RNASE9: variants seen among roughly 807,000 people sequenced by gnomAD.
RNASE9 encodes the protein ribonuclease A family member 9 (inactive), also known as inactive ribonuclease-like protein 9.
For synonymous variants in RNASE9, 95 were observed against 87.6 expected, an observed-to-expected ratio of 1.08 and a Z score of -0.47; for missense variants, 263 against 247.1, an observed-to-expected ratio of 1.06 and a Z score of -0.43.
chr14:20,557,417 C>T (rs1023153438), exon 3 of RNASE9: 2 of 225,484 alleles, frequency 8.9e-6, no homozygotes, highest in Non-Finnish European at 1.7e-5. Context: ...GAAAGGAAAT[C>T]AAGACAGCAG....
In RNASE9 at chr14:20,558,319, A is replaced by T. The variant is rs1018034068; in HGVS notation, c.-1250T>A. ...TAGGCTGGATACTAAGTTTGTATATATGTGTGTAGAAAGGTTAGAGAATGA... is the reference window on the plus strand; with the variant it reads ...TAGGCTGGATACTAAGTTTGTATATTTGTGTGTAGAAAGGTTAGAGAATGA... On this transcript the variant is annotated 5_prime_UTR_variant, in exon 3 of 3. Transcript: ENST00000555230. 80 of 617,674 alleles carry T rather than the reference A, an allele frequency of 1.3e-4. 1 individual carries two copies. Among genetic ancestry groups the T allele is most frequent in the Admixed American group, 8.1e-5 (3 of 37,262 alleles). 38.3% of individuals were successfully genotyped at this position (617,674 alleles called of 1,614,324 possible).
chr14:20,556,966 A>T (rs757869534), exon 3 of RNASE9: 6 of 1,614,130 alleles, frequency 3.7e-6, no homozygotes, highest in Non-Finnish European at 5.1e-6. Flanking sequence ...TTCTTCTGGG[A>T]AATCAAAATC....
chr14:20,556,859 TAAG>T, exon 3 of RNASE9: 1 of 1,614,218 alleles, frequency 6.2e-7, no homozygotes, highest in South Asian at 1.1e-5. Context: ...CCAGGTTCAA[TAAG>T]GACACGTCTT....
exon 3 of RNASE9, chr14:20,556,675 C>T (rs1883705801): frequency 1.2e-6 from 2 of 1,613,326 alleles, no homozygotes; most frequent in Non-Finnish European, 1.7e-6. Context: ...ACCTTTGCTC[C>T]TGTTACATTT....
chr14:20,557,989 C>A (rs772663402), exon 3 of RNASE9: 1 of 161,866 alleles, frequency 6.2e-6, no homozygotes, highest in Non-Finnish European at 1.4e-5. Flanking sequence ...TATTCTATGG[C>A]CTCTATCAGT....
chr14:20,560,592 T>C (rs376917208), intron 1 of RNASE9, among the ~76,000 whole-genome samples: 1 of 152,172 alleles, frequency 6.6e-6, no homozygotes, highest in East Asian at 1.9e-4. Context: ...ATGAGTCTGA[T>C]GTGTTTATAG....
chr14:20,556,796 C>T (rs778857173), exon 3 of RNASE9: 1 of 1,613,722 alleles, frequency 6.2e-7, no homozygotes, highest in East Asian at 2.2e-5. Context: ...TTGTAGTAAA[C>T]ATTTTTTCCC....
At chr14:20,558,064 G>A (rs568456608) in exon 3 of RNASE9, 1 of 221,818 alleles carries the variant, frequency 4.5e-6, no homozygotes, top group Non-Finnish European at 9.1e-6. Context: ...AATGACTACT[G>A]AAATGGCCAG....
At chr14:20,556,790 A>C in exon 3 of RNASE9, 1 of 1,613,858 alleles carries the variant, frequency 6.2e-7, no homozygotes, top group Non-Finnish European at 8.5e-7. Flanking sequence ...CGGTGTTTGT[A>C]GTAAACATTT....
exon 3 of RNASE9, chr14:20,556,567 C>T: frequency 1.2e-6 from 2 of 1,613,908 alleles, no homozygotes; most frequent in Non-Finnish European, 1.7e-6. Context: ...TTGCCATGAA[C>T]AAGTGATAAG....
At chr14:20,556,514 C>T (rs149710160) in exon 3 of RNASE9, 7 of 1,613,664 alleles carry the variant, frequency 4.3e-6, no homozygotes, top group East Asian at 4.5e-5. Context: ...GGTGGCTCCA[C>T]GAGATCATTT....
chr14:20,557,245 C>T, exon 3 of RNASE9: 1 of 642,154 alleles, frequency 1.6e-6, no homozygotes, highest in Non-Finnish European at 2.6e-6. Context: ...AAATTATTGA[C>T]AAAAATGACC....
At chr14:20,557,340 G>T in exon 3 of RNASE9, 1 of 401,558 alleles carries the variant, frequency 2.5e-6, no homozygotes, top group Non-Finnish European at 4.4e-6. Flanking sequence ...AGAAATAAAG[G>T]TAAGGAGGAA....
At chr14:20,557,264 C>T in exon 3 of RNASE9, 1 of 590,302 alleles carries the variant, frequency 1.7e-6, no homozygotes, top group South Asian at 2.4e-5. Context: ...CCTTACTAGG[C>T]CTACAGTCAG....
At chr14:20,557,105 G>C in exon 3 of RNASE9, 1 of 1,566,536 alleles carries the variant, frequency 6.4e-7, no homozygotes, top group South Asian at 1.2e-5. Context: ...AACGGGATAT[G>C]TTCTATTGTG....
chr14:20,558,497 G>C, exon 3 of RNASE9: 1 of 1,392,138 alleles, frequency 7.2e-7, no homozygotes, highest in South Asian at 1.2e-5. Context: ...GTGCCACACT[G>C]TCCCTCCCCT....
chr14:20,556,684 T>C, exon 3 of RNASE9: 1 of 1,613,658 alleles, frequency 6.2e-7, no homozygotes, highest in Non-Finnish European at 8.5e-7. Context: ...CCTGTTACAT[T>C]TCCTAATTCC....
At chr14:20,560,375 CAGAA>C (rs772857501) in intron 1 of RNASE9, 32 of 151,744 alleles carry the variant, frequency 2.1e-4, no homozygotes, top group Admixed American at 7.9e-4. Flanking sequence ...GATGTTTCTG[CAGAA>C]AGAAATTGTT....
intron 2 of RNASE9, among the ~76,000 whole-genome samples, 198 bp downstream of exon 2, chr14:20,559,384 G>T (rs10145245): frequency 6.8e-6 from 1 of 147,368 alleles, no homozygotes; most frequent in Non-Finnish European, 1.5e-5. Flanking sequence ...TAGAAATGGG[G>T]ATTAACAGTA....
Sources: gnomAD v4.1 joint callset for allele counts (sites outside exome capture counted in the v4.1 genomes callset) on GRCh38, gnomAD v4.1.1 for gene constraint, MANE v1.5 for transcripts, NCBI Gene and HGNC (gene_info 2026-07-23, HGNC 2026-07-21) for gene names.